Variants in SKAP1 observed in about 807,000 individuals in gnomAD.
SKAP1 encodes src kinase associated phosphoprotein 1.
A neutral mutation model predicts 58.5 loss-of-function variants in SKAP1; 44 were observed. That is an observed-to-expected ratio of 0.75 (90% CI 0.59 to 0.97). SKAP1 has a LOEUF of 0.97. Among genes scored for constraint, SKAP1 ranks in the 50% least tolerant of loss-of-function variants. SKAP1 has a pLI of 0.00. For missense variants in SKAP1, 390 were observed against 435.2 expected (o/e 0.90, Z 0.92); for synonymous variants, 127 against 149.7 (o/e 0.85, Z 1.11).
intron 2 of SKAP1, among the ~76,000 whole-genome samples, chr17:48,392,403 T>C (rs2067360157): frequency 1.3e-5 from 2 of 152,188 alleles, no homozygotes; most frequent in African/African-American, 4.8e-5. Flanking sequence ...TCTACTGGTC[T>C]CTTTTTGGAA....
intron 4 of SKAP1, among the ~76,000 whole-genome samples, chr17:48,191,596 A>G (rs1371285654): frequency 6.6e-6 from 1 of 152,250 alleles, no homozygotes; most frequent in African/African-American, 2.4e-5. Flanking sequence ...TTTGTTTTAA[A>G]ATAACATCTA....
At chr17:48,265,411 A>C (rs2065533896) in intron 4 of SKAP1, among the ~76,000 whole-genome samples, 1 of 152,026 alleles carries the variant, frequency 6.6e-6, no homozygotes, top group Admixed American at 6.5e-5. Context: ...AGGCTGAGGC[A>C]GGAGAATCAC....
intron 9 of SKAP1, among the ~76,000 whole-genome samples, chr17:48,173,199 G>A (rs1028613474): frequency 7.2e-6 from 1 of 139,504 alleles, no homozygotes; most frequent in Non-Finnish European, 1.6e-5. Flanking sequence ...AAAAAAAAAA[G>A]GACGGATACT....
At chr17:48,371,734 G>T (rs2067089533) in intron 2 of SKAP1, among the ~76,000 whole-genome samples, 1 of 147,660 alleles carries the variant, frequency 6.8e-6, no homozygotes, top group Admixed American at 6.9e-5. Flanking sequence ...CTACTTGGGA[G>T]GCTGAAGTGG....
At chr17:48,430,913 C>T (rs980214564), upstream of SKAP1, among the ~76,000 whole-genome samples, 1 of 152,132 alleles carries the variant, frequency 6.6e-6, no homozygotes, top group Admixed American at 6.5e-5. Flanking sequence ...ATCACACGGT[C>T]TCATTCAAGG....
intron 8 of SKAP1, among the ~76,000 whole-genome samples, chr17:48,180,883 C>T (rs1025939687): frequency 2.0e-5 from 3 of 152,158 alleles, no homozygotes; most frequent in African/African-American, 7.2e-5. Flanking sequence ...TCTAGCTGAC[C>T]TTAAAGTGGG....
the SKAP1 span, among the ~76,000 whole-genome samples, chr17:48,440,557 C>T: frequency 6.6e-6 from 1 of 152,290 alleles, no homozygotes. Flanking sequence ...AACCTTGTGA[C>T]CTAGGGCAAG....
intron 4 of SKAP1, among the ~76,000 whole-genome samples, chr17:48,276,489 T>C (rs1269359873): frequency 1.3e-5 from 2 of 152,234 alleles, no homozygotes; most frequent in East Asian, 1.9e-4. Flanking sequence ...CTAGGTCTTA[T>C]TCATCTTTAT....
chr17:48,247,485 T>C (rs2065309848), intron 4 of SKAP1, among the ~76,000 whole-genome samples: 1 of 152,196 alleles, frequency 6.6e-6, no homozygotes, highest in Admixed American at 6.5e-5. Context: ...ACTTCTGATT[T>C]CTTTTCCTCT....
At chr17:48,432,484 C>T (rs2067925425), upstream of SKAP1, among the ~76,000 whole-genome samples, 1 of 152,000 alleles carries the variant, frequency 6.6e-6, no homozygotes, top group African/African-American at 2.4e-5. Flanking sequence ...CTACCCCTTT[C>T]AGGCTTGGGA....
chr17:48,189,003 CAAT>C (rs1374139097), intron 5 of SKAP1, among the ~76,000 whole-genome samples: 5 of 152,132 alleles, frequency 3.3e-5, no homozygotes, highest in East Asian at 3.9e-4. Context: ...ACAACAACAA[CAAT>C]AACAAAAACA....
In SKAP1 at chr17:48,430,087, A is replaced by C. The variant is rs1448578017; in HGVS notation, c.34T>G (p.Trp12Gly). 7.9e-7 allele frequency: 1 copy of C among 1,266,814 alleles called. No homozygotes were observed. Among genetic ancestry groups the C allele is most frequent in the Admixed American group, 4.2e-5 (1 of 23,952 alleles). The allele number at this position is 1,266,814 out of a possible 1,614,324, so 78.5% of individuals were successfully genotyped here. Residue 12 changes from tryptophan to glycine, a missense_variant, in exon 1 of 13, where the codon TGG (tryptophan) becomes GGG (glycine). Transcript: ENST00000336915. ...GCCAGGGCGTTACCTTCCAGGAGCC[A>C]ACGGATCTCCTCAGGGAGGGCGGCG... Reference protein sequence around the residue: ...QAAALPEEIRWLLEDAEEFLA... With the variant: ...QAAALPEEIRGLLEDAEEFLA...
chr17:48,330,116 T>C (rs2066486358), intron 4 of SKAP1, among the ~76,000 whole-genome samples: 1 of 152,228 alleles, frequency 6.6e-6, no homozygotes, highest in Non-Finnish European at 1.5e-5. Flanking sequence ...TGCAGGATGG[T>C]AGTATTTATG....
chr17:48,135,774 C>A (rs2063689849), intron 12 of SKAP1, among the ~76,000 whole-genome samples: 1 of 152,112 alleles, frequency 6.6e-6, no homozygotes, highest in African/African-American at 2.4e-5. Flanking sequence ...CCTGGCCCTG[C>A]AAACCATATT....
intron 1 of SKAP1, among the ~76,000 whole-genome samples, chr17:48,400,175 T>C (rs1017281524): frequency 1.3e-5 from 2 of 151,276 alleles, no homozygotes; most frequent in Non-Finnish European, 2.9e-5. Flanking sequence ...CTCAGCTCAC[T>C]GCAACCTCTG....
chr17:48,247,550 CA>C (rs1198588267), intron 4 of SKAP1, among the ~76,000 whole-genome samples: 1 of 152,174 alleles, frequency 6.6e-6, no homozygotes, highest in Non-Finnish European at 1.5e-5. Context: ...TCCTACCTCA[CA>C]AAAGTTTTAG....
At chr17:48,295,166 G>A (rs1056996971) in intron 4 of SKAP1, among the ~76,000 whole-genome samples, 11 of 152,144 alleles carry the variant, frequency 7.2e-5, no homozygotes, top group Admixed American at 5.2e-4. Context: ...TGTTTTGCAC[G>A]AAGCAACTGG....
At chr17:48,179,121 C>T (rs1490104467) in intron 9 of SKAP1, among the ~76,000 whole-genome samples, 1 of 152,196 alleles carries the variant, frequency 6.6e-6, no homozygotes, top group Non-Finnish European at 1.5e-5. Flanking sequence ...TTAGATTCAC[C>T]TTAGCTCTTA....
intron 4 of SKAP1, among the ~76,000 whole-genome samples, chr17:48,312,254 T>C (rs1488986530): frequency 6.6e-6 from 1 of 152,246 alleles, no homozygotes; most frequent in East Asian, 1.9e-4. Context: ...TGTCACTATA[T>C]GAAGTGCAAA....
Sources: gnomAD v4.1 joint callset for allele counts (sites outside exome capture counted in the v4.1 genomes callset) on GRCh38, gnomAD v4.1.1 for gene constraint, MANE v1.5 for transcripts, NCBI Gene and HGNC (gene_info 2026-07-23, HGNC 2026-07-21) for gene names.